The following ADAMTS17 variants were observed in gnomAD, a reference collection of about 807,000 sequenced individuals.
ADAMTS17 encodes A disintegrin and metalloproteinase with thrombospondin motifs 17.
A neutral mutation model predicts 141.5 loss-of-function variants in ADAMTS17; 113 were observed. The observed-to-expected ratio is 0.80, with a 90% CI of 0.69 to 0.93. The LOEUF (loss-of-function observed/expected upper bound fraction) is 0.93, where lower values mean the gene tolerates loss of function less well. Among genes scored for constraint, ADAMTS17 ranks in the 40% least tolerant of loss-of-function variants. The probability of loss-of-function intolerance (pLI) is 0.00; values close to 1 mark genes in which losing one functional copy is unlikely to be tolerated. For synonymous variants in ADAMTS17, 768 were observed against 630.6 expected, an observed-to-expected ratio of 1.22 and a Z score of -3.27; for missense variants, 1,659 against 1,517.9, an observed-to-expected ratio of 1.09 and a Z score of -1.54.
chr15:100,192,383 G>A (rs988767589), intron 8 of ADAMTS17, among the ~76,000 whole-genome samples: 2 of 152,210 alleles, frequency 1.3e-5, no homozygotes, highest in Admixed American at 1.3e-4. Context: ...TTCCTGGGGG[G>A]AGGCACCCCC....
intron 7 of ADAMTS17, among the ~76,000 whole-genome samples, chr15:100,235,089 C>T (rs1417410275): frequency 1.3e-5 from 2 of 152,102 alleles, no homozygotes; most frequent in Non-Finnish European, 2.9e-5. Context: ...CCTGCCTCAG[C>T]GATTCGAGAA....
intron 12 of ADAMTS17, among the ~76,000 whole-genome samples, chr15:100,131,158 G>A (rs1358038171): frequency 1.3e-5 from 2 of 151,914 alleles, no homozygotes; most frequent in African/African-American, 2.4e-5. Context: ...AGAAATGGGA[G>A]CTGAACAATG....
At chr15:100,131,124 AC>A (rs2038016280) in intron 12 of ADAMTS17, among the ~76,000 whole-genome samples, 1 of 152,074 alleles carries the variant, frequency 6.6e-6, no homozygotes, top group Non-Finnish European at 1.5e-5. Context: ...GGAACAGAAA[AC>A]CAAACACTGT....
At chr15:100,109,344 T>A (rs184475113) in intron 13 of ADAMTS17, among the ~76,000 whole-genome samples, 2 of 152,210 alleles carry the variant, frequency 1.3e-5, no homozygotes, top group East Asian at 1.9e-4. Context: ...CATCTCTCTA[T>A]CCTTTGCAAT....
rs1360260149 is a variant in ADAMTS17, at chr15:100,341,245, G to A, written c.244C>T (p.Leu82=). Reference sequence around the variant, plus strand: ...CGCCCGAAGGCCGGCAGGTGCAGCAGCAGGGCGCGCTCTCCGGGCCGGGCG... The same window carrying A: ...CGCCCGAAGGCCGGCAGGTGCAGCAACAGGGCGCGCTCTCCGGGCCGGGCG... ...PRARPGERAL[L]LHLPAFGRDL... The change falls in exon 2 of 22, where the codon CTG becomes TTG. Residue 82 remains leucine (L), a synonymous_variant. Coordinates refer to ENST00000268070, the MANE Select transcript of ADAMTS17 (RefSeq NM_139057.4). 1.5e-6 allele frequency: 2 copies of A among 1,377,896 alleles called. No individual in the cohort carries two copies. The highest frequency in any genetic ancestry group is 1.9e-6 in the Non-Finnish European group (2 of 1,063,106). 85.4% of individuals were successfully genotyped at this position (1,377,896 alleles called of 1,614,324 possible). A position where few individuals can be genotyped will look rare whatever the true frequency, so the allele number is the denominator to read the frequency against.
At chr15:100,111,012 G>A (rs1596462921) in intron 13 of ADAMTS17, among the ~76,000 whole-genome samples, 1 of 152,302 alleles carries the variant, frequency 6.6e-6, no homozygotes, top group Non-Finnish European at 1.5e-5. Context: ...AGAAGCTCCA[G>A]GAGTGTGCTG....
At chr15:100,091,502 C>T (rs35233424) in intron 15 of ADAMTS17, among the ~76,000 whole-genome samples, 32,691 of 152,080 alleles carry the variant, frequency 0.21, 4,349 homozygotes, top group East Asian at 0.53. Context: ...TAAGGACCAG[C>T]AGTAAGAAGG....
rs2060218240 is a variant in ADAMTS17, at chr15:99,972,047, CGA to C, written c.*2353_*2354del. ...CGGGTGGATCATGAGGTCAGGAGAT[CGA>C]GACCATCCTGGCTAACATGGTGAAA... On this transcript the variant is annotated 3_prime_UTR_variant, in exon 22 of 22. Coordinates refer to ENST00000268070, the MANE Select transcript of ADAMTS17 (RefSeq NM_139057.4). The C allele has an allele frequency of 1.3e-5, 2 of 152,146 alleles. No individual in the cohort carries two copies. The highest frequency in any genetic ancestry group is 4.8e-5 in the African/African-American group (2 of 41,396). The allele number at this position is 152,146 out of a possible 1,614,324, so 9.4% of individuals were successfully genotyped here.
intron 18 of ADAMTS17, among the ~76,000 whole-genome samples, chr15:100,045,860 T>C (rs2031641284): frequency 6.6e-6 from 1 of 152,204 alleles, no homozygotes; most frequent in Non-Finnish European, 1.5e-5. Context: ...CTCTTCAGTT[T>C]CTAACTGCTT....
At chr15:100,117,239 G>T (rs1371046080) in intron 12 of ADAMTS17, among the ~76,000 whole-genome samples, 1 of 152,124 alleles carries the variant, frequency 6.6e-6, no homozygotes, top group Non-Finnish European at 1.5e-5. Context: ...GCAAATCAAG[G>T]TCATATGGAA....
chr15:100,218,304 T>C (rs2042030002), intron 7 of ADAMTS17, among the ~76,000 whole-genome samples: 1 of 152,220 alleles, frequency 6.6e-6, no homozygotes, highest in African/African-American at 2.4e-5. Context: ...CATAAATACA[T>C]ACAATTATGG....
At chr15:100,097,270 C>T (rs1355919616) in intron 14 of ADAMTS17, among the ~76,000 whole-genome samples, 3 of 152,222 alleles carry the variant, frequency 2.0e-5, no homozygotes, top group African/African-American at 7.2e-5. Flanking sequence ...TGTCCCTCCA[C>T]ATTTTCCCCC....
At chr15:100,300,566 C>T (rs761470019) in intron 3 of ADAMTS17, among the ~76,000 whole-genome samples, 19 of 152,216 alleles carry the variant, frequency 1.2e-4, no homozygotes, top group South Asian at 6.2e-4. Context: ...CTTCCACGTG[C>T]AAAGGAGCCT....
chr15:100,040,748 A>G (rs1374247629), intron 18 of ADAMTS17, among the ~76,000 whole-genome samples: 5 of 152,168 alleles, frequency 3.3e-5, no homozygotes, highest in African/African-American at 1.2e-4. Flanking sequence ...ATTTAGATAA[A>G]TAAGGTAAGG....
intron 12 of ADAMTS17, among the ~76,000 whole-genome samples, chr15:100,117,558 C>G (rs1303614498): frequency 6.6e-6 from 1 of 152,184 alleles, no homozygotes; most frequent in Admixed American, 6.5e-5. Context: ...CTACCTTTAC[C>G]TGGGCAGGTG....
At chr15:100,216,712 G>A (rs1251282168) in intron 7 of ADAMTS17, among the ~76,000 whole-genome samples, 1 of 152,168 alleles carries the variant, frequency 6.6e-6, no homozygotes, top group Non-Finnish European at 1.5e-5. Flanking sequence ...TTATCCAGAG[G>A]CCTATGGCGC....
At chr15:100,167,157 A>C (rs1339439911) in intron 8 of ADAMTS17, among the ~76,000 whole-genome samples, 5 of 152,216 alleles carry the variant, frequency 3.3e-5, no homozygotes, top group Admixed American at 1.3e-4. Flanking sequence ...CAGACCACAC[A>C]AGCCTAAGTG....
chr15:100,222,103 C>A (rs747687351), intron 7 of ADAMTS17, among the ~76,000 whole-genome samples: 1 of 152,200 alleles, frequency 6.6e-6, no homozygotes, highest in South Asian at 2.1e-4. Context: ...ACTGCAGGAG[C>A]GGGATCAGCT....
chr15:100,029,899 T>C (rs931095442), intron 18 of ADAMTS17, among the ~76,000 whole-genome samples: 2 of 152,190 alleles, frequency 1.3e-5, no homozygotes, highest in African/African-American at 4.8e-5. Context: ...GCTAGAAATG[T>C]AAGTTTCCAG....
Sources: allele counts gnomAD v4.1 joint callset (sites outside exome capture counted in the v4.1 genomes callset), GRCh38; gene constraint gnomAD v4.1.1; transcripts MANE v1.5; gene names NCBI Gene and HGNC (gene_info 2026-07-23, HGNC 2026-07-21).